The following EYS variants were observed in gnomAD, a reference collection of about 807,000 sequenced individuals.
The protein encoded by EYS is protein eyes shut homolog.
Under a neutral mutation model 282.1 loss-of-function variants are expected in EYS, and 250 were observed. The ratio of observed to expected loss-of-function variants is 0.89; its 90% CI spans 0.80 to 0.98. The LOEUF (loss-of-function observed/expected upper bound fraction) is 0.98. Among genes scored for constraint, EYS ranks in the 50% least tolerant of loss-of-function variants. EYS has a pLI of 0.00. For synonymous variants in EYS, 1,355 were observed against 1,282.9 expected, an observed-to-expected ratio of 1.06 and a Z score of -1.20; for missense variants, 4,016 against 3,709.0, an observed-to-expected ratio of 1.08 and a Z score of -2.15.
At chr6:63,877,339 G>A (rs537106308) in intron 35 of EYS, among the ~76,000 whole-genome samples, 56 of 152,318 alleles carry the variant, frequency 3.7e-4, no homozygotes, top group African/African-American at 1.3e-3. Flanking sequence ...TGAGTGATCT[G>A]CTGTTATTCT....
intron 14 of EYS, among the ~76,000 whole-genome samples, chr6:64,978,994 C>G (rs894542882): frequency 2.6e-5 from 4 of 151,782 alleles, no homozygotes; most frequent in African/African-American, 9.7e-5. Flanking sequence ...GTTGAAATGA[C>G]AAAATGGGAT....
chr6:64,803,344 G>A (rs1261861462), intron 22 of EYS, among the ~76,000 whole-genome samples: 1 of 151,458 alleles, frequency 6.6e-6, no homozygotes, highest in Non-Finnish European at 1.5e-5. Flanking sequence ...ATGTCTCTCT[G>A]AGTCTGGCTG....
chr6:65,307,364 A>G (rs974250936), intron 11 of EYS, among the ~76,000 whole-genome samples: 1 of 152,078 alleles, frequency 6.6e-6, no homozygotes, highest in Admixed American at 6.6e-5. Context: ...ACATCCAGAA[A>G]GCCATGTTGG....
At chr6:64,101,679 G>A (rs1214761694) in intron 31 of EYS, among the ~76,000 whole-genome samples, 15 of 151,970 alleles carry the variant, frequency 9.9e-5, no homozygotes, top group Admixed American at 9.8e-4. Flanking sequence ...CTAGTTTCAT[G>A]GAAGACATTC....
intron 30 of EYS, among the ~76,000 whole-genome samples, chr6:64,259,670 A>G (rs1767520321): frequency 1.3e-5 from 1 of 79,446 alleles, no homozygotes; most frequent in African/African-American, 4.7e-5. Context: ...ACACACACAC[A>G]CACACAATCT....
chr6:64,253,313 C>T (rs1195999259), intron 30 of EYS, among the ~76,000 whole-genome samples: 1 of 152,038 alleles, frequency 6.6e-6, no homozygotes, highest in East Asian at 1.9e-4. Flanking sequence ...ATCAGAAACT[C>T]TTGAGAAATA....
At chr6:63,934,945 C>T (rs1169562509) in intron 35 of EYS, among the ~76,000 whole-genome samples, 1 of 151,916 alleles carries the variant, frequency 6.6e-6, no homozygotes, top group Non-Finnish European at 1.5e-5. Flanking sequence ...ACAAAAAAAA[C>T]TACCTGCTTT....
chr6:64,235,946 A>G (rs1766591705), intron 30 of EYS, among the ~76,000 whole-genome samples: 1 of 152,208 alleles, frequency 6.6e-6, no homozygotes, highest in African/African-American at 2.4e-5. Context: ...CAATAGGAAA[A>G]GAGGGAATCC....
intron 2 of EYS, among the ~76,000 whole-genome samples, chr6:65,509,543 A>G (rs1766786562): frequency 6.6e-6 from 1 of 152,112 alleles, no homozygotes; most frequent in African/African-American, 2.4e-5. Context: ...CATATTGCCT[A>G]CTGTTATTTG....
chr6:65,428,319 A>G (rs1767742026), intron 5 of EYS, among the ~76,000 whole-genome samples: 1 of 152,210 alleles, frequency 6.6e-6, no homozygotes. Context: ...AAGTGAATAT[A>G]TACATAGAAT....
intron 35 of EYS, among the ~76,000 whole-genome samples, chr6:63,949,493 G>A (rs575190271): frequency 1.2e-4 from 19 of 152,224 alleles, no homozygotes; most frequent in African/African-American, 4.6e-4. Flanking sequence ...TCAGGACTGG[G>A]TTAGGTGCCT....
chr6:65,031,474 A>C (rs1248097126), intron 13 of EYS, among the ~76,000 whole-genome samples: 1 of 152,114 alleles, frequency 6.6e-6, no homozygotes. Flanking sequence ...TGACCATGTG[A>C]TAAGACATAA....
chr6:64,979,894 A>C lies in EYS; in HGVS notation c.2259+17688T>G, dbSNP rs149882887. 5.4e-3 allele frequency among the ~76,000 whole-genome samples: 820 copies of C among 151,654 alleles called. 5 individuals are homozygous for C. The highest frequency in any genetic ancestry group is 9.7e-3 in the Non-Finnish European group (655 of 67,640). On this transcript the variant is annotated intron_variant, in intron 14 of 42. Transcript: ENST00000503581. ...CCACTAAGTTATTGTGAGTTGGACA[A>C]ATTATTTTTAGTAGATGATAAAGTA...
In EYS at chr6:65,221,552, A is replaced by G. The variant is rs925128720; in HGVS notation, c.2023+74311T>C. On this transcript the variant is annotated intron_variant, in intron 12 of 42. Coordinates refer to ENST00000503581, the MANE Select transcript of EYS (RefSeq NM_001142800.2). ...TGCATAGATTTCAAAGGATGTATGG[A>G]AACACCTGGATATCTGGGCAGAAGT... Among the ~76,000 whole-genome samples the G allele has an allele frequency of 2.6e-5, 4 of 152,328 alleles. No individual in the cohort carries two copies. The South Asian group carries it at 8.3e-4, about 32-fold the overall frequency.
intron 12 of EYS, among the ~76,000 whole-genome samples, chr6:65,251,877 T>A (rs1056553585): frequency 5.3e-5 from 8 of 151,848 alleles, no homozygotes; most frequent in Non-Finnish European, 1.0e-4. Context: ...GCCACATCCC[T>A]TTTTTTGTTG....
intron 12 of EYS, among the ~76,000 whole-genome samples, chr6:65,123,797 C>T (rs1320909796): frequency 6.7e-6 from 1 of 150,048 alleles, no homozygotes; most frequent in Non-Finnish European, 1.5e-5. Context: ...CTAGTTTAGT[C>T]TCCCAAAGAG....
At chr6:65,341,486 G>A (rs1228627740) in intron 10 of EYS, among the ~76,000 whole-genome samples, 1 of 151,158 alleles carries the variant, frequency 6.6e-6, no homozygotes, top group Non-Finnish European at 1.5e-5. Context: ...TTATTTATTT[G>A]ACAGATCTAA....
chr6:64,483,425 C>T (rs1398526875), intron 26 of EYS, among the ~76,000 whole-genome samples: 1 of 151,678 alleles, frequency 6.6e-6, no homozygotes, highest in East Asian at 1.9e-4. Flanking sequence ...ACATCAGTGG[C>T]TTCTTTCATG....
chr6:64,819,627 G>A (rs555793567), intron 21 of EYS, among the ~76,000 whole-genome samples: 21 of 151,784 alleles, frequency 1.4e-4, no homozygotes, highest in East Asian at 7.8e-4. Context: ...AAAGTATCAC[G>A]AATTCTATAA....
Sources: allele counts gnomAD v4.1 joint callset (sites outside exome capture counted in the v4.1 genomes callset), GRCh38; gene constraint gnomAD v4.1.1; transcripts MANE v1.5; gene names NCBI Gene and HGNC (gene_info 2026-07-23, HGNC 2026-07-21).